Variants in EPM2A observed in about 807,000 individuals in gnomAD.
The protein encoded by EPM2A is EPM2A glucan phosphatase, laforin.
Under a neutral mutation model 26.5 loss-of-function variants are expected in EPM2A, and 21 were observed. The ratio of observed to expected loss-of-function variants is 0.79; its 90% CI spans 0.56 to 1.14. EPM2A has a LOEUF of 1.14. Ranked by LOEUF, EPM2A falls within the 50% of genes most tolerant of loss-of-function variation. The pLI, the probability that EPM2A is intolerant of heterozygous loss-of-function variation, is 0.00. For missense variants in EPM2A, 458 were observed against 440.8 expected, an observed-to-expected ratio of 1.04 and a Z score of -0.35; for synonymous variants, 217 against 177.6, an observed-to-expected ratio of 1.22 and a Z score of -1.76.
intron 2 of EPM2A, among the ~76,000 whole-genome samples, chr6:145,559,487 CAAAT>C (rs1780775578): frequency 6.6e-6 from 1 of 151,976 alleles, no homozygotes; most frequent in Non-Finnish European, 1.5e-5. Flanking sequence ...ATGAAGCTAA[CAAAT>C]AAAGGATAGA....
intron 3 of EPM2A, chr6:145,631,155 T>C (rs757328170): frequency 6.6e-6 from 1 of 151,942 alleles, no homozygotes; most frequent in Non-Finnish European, 1.5e-5. Context: ...AAGAGGACCA[T>C]GTCTCTCTGC....
chr6:145,584,077 A>C (rs1781153294), intron 2 of EPM2A, among the ~76,000 whole-genome samples: 1 of 152,208 alleles, frequency 6.6e-6, no homozygotes, highest in East Asian at 1.9e-4. Flanking sequence ...ATCTGCACAC[A>C]TGTCCTATCA....
chr6:145,590,869 T>C (rs1268778763), intron 2 of EPM2A, among the ~76,000 whole-genome samples: 1 of 151,850 alleles, frequency 6.6e-6, no homozygotes, highest in Non-Finnish European at 1.5e-5. Context: ...AAAAAAACAG[T>C]ATAAAAAGTT....
At chr6:145,604,427 A>G (rs1435768380) in intron 2 of EPM2A, among the ~76,000 whole-genome samples, 1 of 152,252 alleles carries the variant, frequency 6.6e-6, no homozygotes, top group East Asian at 1.9e-4. Context: ...AGAATAAAAC[A>G]TATGTATATT....
At chr6:145,607,464 G>A (rs145451148) in intron 2 of EPM2A, among the ~76,000 whole-genome samples, 11 of 152,198 alleles carry the variant, frequency 7.2e-5, no homozygotes, top group South Asian at 2.1e-4. Flanking sequence ...AAGCTTTGAC[G>A]GCAGATGGGA....
chr6:145,444,938 T>C (rs1230507955), intron 4 of EPM2A, among the ~76,000 whole-genome samples: 2 of 151,956 alleles, frequency 1.3e-5, no homozygotes, highest in South Asian at 2.1e-4. Context: ...ATTTTTTTTT[T>C]CATTCATGGC....
At chr6:145,717,598 G>C (rs993392801) in intron 1 of EPM2A, among the ~76,000 whole-genome samples, 1 of 152,146 alleles carries the variant, frequency 6.6e-6, no homozygotes, top group African/African-American at 2.4e-5. Context: ...ATTCAACATA[G>C]TGTTGGAAGT....
chr6:145,389,367 T>A (rs1339153759), intron 4 of EPM2A, among the ~76,000 whole-genome samples: 1 of 152,054 alleles, frequency 6.6e-6, no homozygotes, highest in Non-Finnish European at 1.5e-5. Flanking sequence ...TTTTTTTATA[T>A]TTTTAGTAGA....
At chr6:145,727,310 A>C (rs1248404629) in intron 1 of EPM2A, among the ~76,000 whole-genome samples, 1 of 152,190 alleles carries the variant, frequency 6.6e-6, no homozygotes, top group African/African-American at 2.4e-5. Context: ...AAGAATACTG[A>C]ATGGAACTTC....
At chr6:145,710,564 G>A (rs1583101221) in intron 1 of EPM2A, among the ~76,000 whole-genome samples, 1 of 152,140 alleles carries the variant, frequency 6.6e-6, no homozygotes, top group Admixed American at 6.5e-5. Flanking sequence ...TCAGTGTGGC[G>A]ATTCCTCAGG....
At chr6:145,444,003 T>C (rs1341607498) in intron 4 of EPM2A, among the ~76,000 whole-genome samples, 1 of 152,216 alleles carries the variant, frequency 6.6e-6, no homozygotes. Flanking sequence ...CTTTTGTAAA[T>C]TGCCCAGTTT....
chr6:145,422,473 T>C (rs1439211947), intron 4 of EPM2A, among the ~76,000 whole-genome samples: 2 of 2,236 alleles, frequency 8.9e-4, no homozygotes, highest in African/African-American at 2.9e-3. Context: ...TCCTGTAATC[T>C]TTTGTAAAAA....
intron 4 of EPM2A, among the ~76,000 whole-genome samples, chr6:145,442,307 C>T (rs1779074573): frequency 6.6e-6 from 1 of 152,106 alleles, no homozygotes; most frequent in African/African-American, 2.4e-5. Flanking sequence ...ACTCCCGGTA[C>T]CAATTTATTG....
chr6:145,470,609 T>A (rs1779461074), intron 4 of EPM2A, among the ~76,000 whole-genome samples: 1 of 152,162 alleles, frequency 6.6e-6, no homozygotes, highest in Non-Finnish European at 1.5e-5. Context: ...TAATTATACA[T>A]GTTTTCTTGC....
At chr6:145,674,380 C>T (rs1779869225) in intron 2 of EPM2A, among the ~76,000 whole-genome samples, 1 of 152,152 alleles carries the variant, frequency 6.6e-6, no homozygotes, top group Non-Finnish European at 1.5e-5. Context: ...CACCTCTGCT[C>T]CTCCAAAGGA....
At chr6:145,560,606 T>C (rs936308868) in intron 2 of EPM2A, among the ~76,000 whole-genome samples, 1 of 152,200 alleles carries the variant, frequency 6.6e-6, no homozygotes, top group African/African-American at 2.4e-5. Context: ...AATCATGCTA[T>C]ACAAATTAAT....
chr6:145,676,630 A>G (rs1313182718), intron 2 of EPM2A, among the ~76,000 whole-genome samples: 1 of 152,224 alleles, frequency 6.6e-6, no homozygotes, highest in Non-Finnish European at 1.5e-5. Context: ...ACAAACTACC[A>G]TCAGAGAATA....
chr6:145,384,821 G>T lies in EPM2A; in HGVS notation c.556-724C>A, dbSNP rs9390313. Among the ~76,000 whole-genome samples, 10 of 147,864 alleles carry T rather than the reference G, an allele frequency of 6.8e-5. No individual in the cohort carries two copies. In the East Asian group the frequency reaches 1.8e-3, roughly 26 times the overall value. ...AGCAGTTCTATTTACCACTTTCTCTGTATTTCATAGAAGAAAGAGCATCAT... is the reference window on the plus strand; with the variant it reads ...AGCAGTTCTATTTACCACTTTCTCTTTATTTCATAGAAGAAAGAGCATCAT... On this transcript the variant is annotated intron_variant, in intron 4 of 4. Coordinates refer to the EPM2A transcript ENST00000638717.
chr6:145,526,467 C>T (rs1780275065), intron 2 of EPM2A, among the ~76,000 whole-genome samples: 1 of 151,798 alleles, frequency 6.6e-6, no homozygotes. Flanking sequence ...GATTCATTTT[C>T]AGAGCTTAAT....
Sources: gnomAD v4.1 joint callset for allele counts (sites outside exome capture counted in the v4.1 genomes callset) on GRCh38, gnomAD v4.1.1 for gene constraint, MANE v1.5 for transcripts, NCBI Gene and HGNC (gene_info 2026-07-23, HGNC 2026-07-21) for gene names.